ZMAT4: variants seen among roughly 807,000 people sequenced by gnomAD.
ZMAT4 encodes zinc finger matrin-type 4.
Under a neutral mutation model 28.7 loss-of-function variants are expected in ZMAT4, and 17 were observed. The observed-to-expected ratio is 0.59, with a 90% confidence interval of 0.41 to 0.89. The LOEUF (loss-of-function observed/expected upper bound fraction) is 0.89. Among genes scored for constraint, ZMAT4 ranks in the 40% least tolerant of loss-of-function variants. ZMAT4 has a pLI of 0.00. For synonymous variants in ZMAT4, 117 were observed against 109.2 expected, an observed-to-expected ratio of 1.07 and a Z score of -0.44; for missense variants, 240 against 283.8, an observed-to-expected ratio of 0.85 and a Z score of 1.11.
chr8:40,668,666 C>T (rs1437299895), intron 5 of ZMAT4, among the ~76,000 whole-genome samples: 4 of 151,862 alleles, frequency 2.6e-5, no homozygotes, highest in Non-Finnish European at 5.9e-5. Flanking sequence ...TGTGCAAATG[C>T]AGTCAGGTTT....
At chr8:40,579,690 C>T (rs990027785) in intron 6 of ZMAT4, among the ~76,000 whole-genome samples, 1 of 152,180 alleles carries the variant, frequency 6.6e-6, no homozygotes, top group African/African-American at 2.4e-5. Context: ...TGTAATGCTC[C>T]ATTTCATACT....
chr8:40,649,205 A>G (rs1191366875), intron 5 of ZMAT4, among the ~76,000 whole-genome samples: 3 of 152,124 alleles, frequency 2.0e-5, no homozygotes, highest in African/African-American at 4.8e-5. Flanking sequence ...ACACACATAG[A>G]CTCAAAATAA....
intron 3 of ZMAT4, among the ~76,000 whole-genome samples, chr8:40,716,914 G>A (rs573764390): frequency 2.6e-5 from 4 of 152,234 alleles, no homozygotes; most frequent in East Asian, 1.9e-4. Flanking sequence ...TGGGTATCAC[G>A]TGGACCTGCC....
At chr8:40,558,563 G>A (rs1021656710) in intron 6 of ZMAT4, among the ~76,000 whole-genome samples, 7 of 152,116 alleles carry the variant, frequency 4.6e-5, no homozygotes, top group African/African-American at 1.7e-4. Context: ...TCTGCCTTGA[G>A]AAACTGGATA....
chr8:40,755,889 A>G (rs1412375940), intron 3 of ZMAT4, among the ~76,000 whole-genome samples: 1 of 152,142 alleles, frequency 6.6e-6, no homozygotes, highest in African/African-American at 2.4e-5. Flanking sequence ...GCCAGTGGTT[A>G]TTTTCTGACT....
chr8:40,548,614 AG>A (rs1201073376), intron 6 of ZMAT4, among the ~76,000 whole-genome samples: 1 of 152,234 alleles, frequency 6.6e-6, no homozygotes, highest in African/African-American at 2.4e-5. Context: ...CAAGAAAGTC[AG>A]ATAATGTCTC....
intron 5 of ZMAT4, among the ~76,000 whole-genome samples, chr8:40,653,758 C>T (rs1249312731): frequency 6.6e-6 from 1 of 152,148 alleles, no homozygotes; most frequent in African/African-American, 2.4e-5. Flanking sequence ...AGTAGAGACA[C>T]TGACTTATAA....
chr8:40,575,356 C>T (rs919499), intron 6 of ZMAT4, among the ~76,000 whole-genome samples: 1 of 152,134 alleles, frequency 6.6e-6, no homozygotes, highest in East Asian at 1.9e-4. Flanking sequence ...CCACCAAACC[C>T]CTATGCCTTG....
chr8:40,746,286 T>TCCC (rs1563454128), intron 3 of ZMAT4, among the ~76,000 whole-genome samples: 36 of 61,576 alleles, frequency 5.8e-4, no homozygotes, highest in Middle Eastern at 9.1e-3. Flanking sequence ...TCTTTCTTTC[T>TCCC]TTTCTTTCTT....
chr8:40,874,470 C>T (rs914020366), intron 1 of ZMAT4, among the ~76,000 whole-genome samples: 2 of 152,184 alleles, frequency 1.3e-5, no homozygotes, highest in African/African-American at 2.4e-5. Context: ...TAACCCTTTC[C>T]TACTTCCCCA....
At chr8:40,743,612 G>T (rs775638150) in intron 3 of ZMAT4, among the ~76,000 whole-genome samples, 18 of 152,210 alleles carry the variant, frequency 1.2e-4, no homozygotes, top group Non-Finnish European at 2.5e-4. Flanking sequence ...CGGACTAATA[G>T]AATCCCATTG....
At chr8:40,648,902 C>T (rs1807487410) in intron 5 of ZMAT4, among the ~76,000 whole-genome samples, 1 of 142,384 alleles carries the variant, frequency 7.0e-6, no homozygotes, top group Non-Finnish European at 1.5e-5. Flanking sequence ...CCAGGCCTGC[C>T]CTAAAACAGC....
chr8:40,890,176 A>G lies in ZMAT4; in HGVS notation c.-5+7507T>C, dbSNP rs539620529. ...TCACTTCTCTATCAGGGAAAGGCTG[A>G]TTTTTAAAAACACTTTTTGAAAAAG... On this transcript the variant is annotated intron_variant, in intron 1 of 6. Transcript: ENST00000297737. 3.3e-4 allele frequency among the ~76,000 whole-genome samples: 50 copies of G among 152,338 alleles called. 1 individual carries two copies. The highest frequency in any genetic ancestry group is 1.2e-3 in the African/African-American group (50 of 41,584).
intron 2 of ZMAT4, among the ~76,000 whole-genome samples, chr8:40,814,015 C>G (rs983392649): frequency 3.3e-5 from 5 of 152,016 alleles, no homozygotes; most frequent in Admixed American, 6.6e-5. Context: ...GGGCTGGGGA[C>G]GGGGTGGAGA....
chr8:40,734,561 T>C (rs1811681138), intron 3 of ZMAT4, among the ~76,000 whole-genome samples: 1 of 152,160 alleles, frequency 6.6e-6, no homozygotes, highest in Admixed American at 6.6e-5. Flanking sequence ...AGAGTAGAAG[T>C]AGCCTGTCGG....
At chr8:40,873,941 T>C (rs1176894397) in intron 1 of ZMAT4, among the ~76,000 whole-genome samples, 1 of 152,184 alleles carries the variant, frequency 6.6e-6, no homozygotes, top group Non-Finnish European at 1.5e-5. Context: ...TGCGTGATCC[T>C]GTTCAACTCT....
chr8:40,722,736 C>A (rs1166226992), intron 3 of ZMAT4, among the ~76,000 whole-genome samples: 1 of 152,110 alleles, frequency 6.6e-6, no homozygotes, highest in Non-Finnish European at 1.5e-5. Flanking sequence ...GAGGAACCTG[C>A]GGGGATTGTA....
chr8:40,800,831 T>G (rs1394099799), intron 2 of ZMAT4, among the ~76,000 whole-genome samples: 1 of 151,856 alleles, frequency 6.6e-6, no homozygotes, highest in East Asian at 1.9e-4. Context: ...AGGTTTTAAC[T>G]CAGAAAACTA....
intron 5 of ZMAT4, among the ~76,000 whole-genome samples, chr8:40,665,374 C>G (rs1290365316): frequency 6.6e-6 from 1 of 152,134 alleles, no homozygotes; most frequent in Admixed American, 6.6e-5. Context: ...GCAATCCATC[C>G]CCATTTCCAC....
Sources: gnomAD v4.1 joint callset for allele counts (sites outside exome capture counted in the v4.1 genomes callset) on GRCh38, gnomAD v4.1.1 for gene constraint, MANE v1.5 for transcripts, NCBI Gene and HGNC (gene_info 2026-07-23, HGNC 2026-07-21) for gene names.